Variants in SCUBE3 observed in about 807,000 individuals in gnomAD.
SCUBE3 encodes the protein signal peptide, CUB and EGF-like domain-containing protein 3.
SCUBE3 carries 33 observed loss-of-function variants against 116.8 expected under a neutral mutation model. That is an observed-to-expected ratio of 0.28 (90% CI 0.21 to 0.38). The LOEUF (loss-of-function observed/expected upper bound fraction) is 0.38, where lower values mean the gene tolerates loss of function less well. Among genes scored for constraint, SCUBE3 ranks in the 10% least tolerant of loss-of-function variants. The probability of loss-of-function intolerance (pLI) is 1.00; values close to 1 mark genes in which losing one functional copy is unlikely to be tolerated. For missense variants in SCUBE3, 1,007 were observed against 1,324.8 expected (o/e 0.76, Z 3.72); for synonymous variants, 418 against 496.9 (o/e 0.84, Z 2.11).
At chr6:35,238,342 C>T (rs536807097) in intron 7 of SCUBE3, among the ~76,000 whole-genome samples, 1 of 147,166 alleles carries the variant, frequency 6.8e-6, no homozygotes, top group African/African-American at 2.4e-5. Flanking sequence ...TATTTGAGCC[C>T]TGACTGTGTG....
chr6:35,244,879 G>T lies in SCUBE3; in HGVS notation c.2401+68G>T, dbSNP rs1784262910. 1.4e-5 allele frequency: 21 copies of T among 1,525,800 alleles called. No homozygotes were observed. The South Asian group carries it at 2.2e-4, about 16-fold the overall frequency. 94.5% of individuals were successfully genotyped at this position (1,525,800 alleles called of 1,614,324 possible). A position where few individuals can be genotyped will look rare whatever the true frequency, so the allele number is the denominator to read the frequency against. On this transcript the variant is annotated intron_variant, in intron 18 of 21. Transcript: ENST00000274938. This position sits in a 1 kb window ranked among gnomAD's most constrained non-coding sequence, Gnocchi z 4.3. ...TGGGAGCAGTGGACATCTAAAGGAG[G>T]GGTGTGAAACCAACAGGGAGCAGGG...
In SCUBE3 at chr6:35,244,553, T is replaced by C. The variant is rs28654422; in HGVS notation, c.2240-97T>C. Reference sequence around the variant, plus strand: ...GAAAAGAACTTTGATGTATCTGATCTCCTGATTCTCCAGGATGAATGTATC... The same window carrying C: ...GAAAAGAACTTTGATGTATCTGATCCCCTGATTCTCCAGGATGAATGTATC... On this transcript the variant is annotated intron_variant, in intron 17 of 21. Coordinates refer to ENST00000274938, the MANE Select transcript of SCUBE3 (RefSeq NM_152753.4). The surrounding 1 kb of genome is among the most constrained non-coding windows in gnomAD (Gnocchi z 4.3). The C allele has an allele frequency of 1.0e-6, 1 of 964,514 alleles. No individual in the cohort carries two copies. 59.7% of individuals were successfully genotyped at this position (964,514 alleles called of 1,614,324 possible).
At position 35,232,688 on chromosome 6, in the gene SCUBE3, G is replaced by A. The variant is rs1194867378; in HGVS notation, c.470-162G>A. ...CTGCTCATGAGCACCCAGGTCTGTG[G>A]GGAAGACAGGAGGCCTGGGACAAGG... On this transcript the variant is annotated intron_variant, in intron 4 of 21. Coordinates refer to ENST00000274938, the MANE Select transcript of SCUBE3 (RefSeq NM_152753.4). The surrounding 1 kb of genome is among the most constrained non-coding windows in gnomAD (Gnocchi z 4.2). Among the ~76,000 whole-genome samples, 3 of 152,198 alleles carry A rather than the reference G, an allele frequency of 2.0e-5. No individual in the cohort carries two copies. The highest frequency in any genetic ancestry group is 2.1e-4 in the South Asian group (1 of 4,826).
chr6:35,229,923 C>T (rs1414311767), intron 3 of SCUBE3, among the ~76,000 whole-genome samples: 1 of 152,202 alleles, frequency 6.6e-6, no homozygotes, highest in Non-Finnish European at 1.5e-5. Flanking sequence ...GAAAAGCAGG[C>T]TGGGCTGGTC....
intron 1 of SCUBE3, among the ~76,000 whole-genome samples, chr6:35,216,396 T>G (rs191901925): frequency 1.3e-5 from 2 of 152,342 alleles, no homozygotes; most frequent in Admixed American, 6.5e-5. Flanking sequence ...TTCCTGTGAC[T>G]GGACCGCAGT....
intron 13 of SCUBE3, 58 bp from the exon 14 acceptor site, chr6:35,242,555 TCTGTCTGGG>T: frequency 7.1e-7 from 1 of 1,409,804 alleles, no homozygotes; most frequent in Non-Finnish European, 9.9e-7. Context: ...TCTGGGGAGG[TCTGTCTGGG>T]CTGGGAGTGA....
chr6:35,241,083 C>G lies in SCUBE3; in HGVS notation c.1070-58C>G, dbSNP rs1029155279. On this transcript the variant is annotated intron_variant, in intron 9 of 21. Coordinates refer to ENST00000274938, the MANE Select transcript of SCUBE3 (RefSeq NM_152753.4). This position sits in a 1 kb window ranked among gnomAD's most constrained non-coding sequence, Gnocchi z 4.1. ...CAAAGGCCCTCACTCACTGCCTACT[C>G]TCCGGCTCCTCCTCCAACTCCATCG... 6.5e-6 allele frequency: 10 copies of G among 1,538,716 alleles called. No individual in the cohort carries two copies. The Admixed American group carries it at 1.5e-4, about 23-fold the overall frequency.
chr6:35,248,044 A>G (rs1007031411), intron 21 of SCUBE3, among the ~76,000 whole-genome samples: 11 of 152,264 alleles, frequency 7.2e-5, no homozygotes, highest in Non-Finnish European at 1.3e-4. Context: ...AAAGCAAGAT[A>G]CAGATCACAT....
intron 6 of SCUBE3, among the ~76,000 whole-genome samples, chr6:35,236,157 C>A (rs1052845866): frequency 1.3e-5 from 2 of 152,208 alleles, no homozygotes; most frequent in African/African-American, 4.8e-5. Flanking sequence ...GAGCATCTAC[C>A]TGGCAAGTGC....
Position 35,243,720 on chromosome 6 carries a change from G to C in SCUBE3, c.2036G>C (p.Gly679Ala), listed in dbSNP as rs1477044478. 1 of 1,614,136 alleles carries C rather than the reference G, an allele frequency of 6.2e-7. No individual in the cohort carries two copies. Among genetic ancestry groups the C allele is most frequent in the Non-Finnish European group, 8.5e-7 (1 of 1,179,996 alleles). The change falls in exon 16 of 22, where the codon GGG (glycine) becomes GCG (alanine). Residue 679 changes from glycine (G) to alanine (A), a missense_variant. By Grantham distance (60) the Gly-to-Ala change is moderately conservative (BLOSUM62 0). Coordinates refer to ENST00000274938, the MANE Select transcript of SCUBE3 (RefSeq NM_152753.4). The surrounding 1 kb of genome is among the most constrained non-coding windows in gnomAD (Gnocchi z 6.6). ...CTTTGCCCTGGGAGTGATGCCCACG[G>C]GCCTCTTGGAGCCACCAACGTCACC... The part of the protein sequence containing the change: ...CDLCPGSDAH[G>A]PLGATNVTTC...
At chr6:35,221,258 G>C (rs1183319324) in intron 1 of SCUBE3, 1 of 152,164 alleles carries the variant, frequency 6.6e-6, no homozygotes, top group African/African-American at 2.4e-5. Flanking sequence ...AAGACCCTGA[G>C]ACCCTATGAC....
In SCUBE3 at chr6:35,245,092, G is replaced by A; in HGVS notation, c.2402-136G>A. 1.2e-6 allele frequency: 1 copy of A among 834,488 alleles called. No individual in the cohort carries two copies. The highest frequency in any genetic ancestry group is 2.4e-5 in the East Asian group (1 of 41,078). 51.7% of individuals were successfully genotyped at this position (834,488 alleles called of 1,614,324 possible). The stretch of plus-strand genomic sequence containing the variant: ...GGAAGGAAGATGGACTCAGAGCTTG[G>A]AAAATAATGATGAACTAGAACGCAG... On this transcript the variant is annotated intron_variant, in intron 18 of 21. Transcript: ENST00000274938. The surrounding 1 kb of genome is among the most constrained non-coding windows in gnomAD (Gnocchi z 4.2).
chr6:35,234,252 G>A (rs1783667911), intron 6 of SCUBE3, among the ~76,000 whole-genome samples: 1 of 152,178 alleles, frequency 6.6e-6, no homozygotes, highest in Non-Finnish European at 1.5e-5. Context: ...GGGCATAGGT[G>A]TTTATGAATG....
Position 35,232,344 on chromosome 6 carries a change from T to TA in SCUBE3, c.469+486dup, listed in dbSNP as rs1783585159. On this transcript the variant is annotated intron_variant, in intron 4 of 21. Coordinates refer to ENST00000274938, the MANE Select transcript of SCUBE3 (RefSeq NM_152753.4). This position sits in a 1 kb window ranked among gnomAD's most constrained non-coding sequence, Gnocchi z 4.2. The stretch of plus-strand genomic sequence containing the variant: ...ATTGTTGTATCCCCAGCACCTAACA[T>TA]ACTGCCCTGCGTGTAGTGAGAGTTT... 6.6e-6 allele frequency among the ~76,000 whole-genome samples: 1 copy of TA among 152,230 alleles called. No individual in the cohort carries two copies. The highest frequency in any genetic ancestry group is 1.5e-5 in the Non-Finnish European group (1 of 68,048).
rs535456693 is a variant in SCUBE3, at chr6:35,248,823, A to C, written c.*118A>C. The C allele has an allele frequency of 3.9e-6, 3 of 778,568 alleles. No individual in the cohort carries two copies. The highest frequency in any genetic ancestry group is 6.3e-6 in the Non-Finnish European group (3 of 473,354). The allele number at this position is 778,568 out of a possible 1,614,324, so 48.2% of individuals were successfully genotyped here. ...CCTCTCTTTTTGGAGGGAAAAAAAA[A>C]ATATCACTACACAAACCAGGCACTC... is the stretch of plus-strand genomic sequence containing the variant. On this transcript the variant is annotated 3_prime_UTR_variant, in exon 22 of 22. Transcript: ENST00000274938.
At chr6:35,215,865 A>G (rs1462115127) in intron 1 of SCUBE3, among the ~76,000 whole-genome samples, 1 of 152,060 alleles carries the variant, frequency 6.6e-6, no homozygotes, top group Non-Finnish European at 1.5e-5. Flanking sequence ...CCTCTTTTCC[A>G]GTCCTGGTTC....
chr6:35,245,591 C>T lies in SCUBE3; in HGVS notation c.2599+166C>T, dbSNP rs1341172829. 6.6e-6 allele frequency among the ~76,000 whole-genome samples: 1 copy of T among 152,222 alleles called. No homozygotes were observed. The highest frequency in any genetic ancestry group is 2.4e-5 in the African/African-American group (1 of 41,444). On this transcript the variant is annotated intron_variant, in intron 19 of 21. Coordinates refer to ENST00000274938, the MANE Select transcript of SCUBE3 (RefSeq NM_152753.4). The surrounding 1 kb of genome is among the most constrained non-coding windows in gnomAD (Gnocchi z 4.2). Reference sequence around the variant, plus strand: ...GAAGAGAGAAGCTAACAAAGGAAAACAGCAATGACACATGTTTGGTAGAAA... The same window carrying T: ...GAAGAGAGAAGCTAACAAAGGAAAATAGCAATGACACATGTTTGGTAGAAA...
intron 1 of SCUBE3, chr6:35,218,232 A>G: frequency 7.3e-6 from 5 of 683,026 alleles, no homozygotes; most frequent in Non-Finnish European, 7.2e-6. Flanking sequence ...GCATTCACAC[A>G]CGTGTGAATG....
In SCUBE3 at chr6:35,239,680, G is replaced by C; in HGVS notation, c.830-72G>C. On this transcript the variant is annotated intron_variant, in intron 7 of 21. Transcript: ENST00000274938. The surrounding 1 kb of genome is among the most constrained non-coding windows in gnomAD (Gnocchi z 4.1). Reference sequence around the variant, plus strand: ...TTTTTGCATGTCTCTGTCAGTGAGGGAGGGATCTTTCTCCTTGTTTGTTCT... The same window carrying C: ...TTTTTGCATGTCTCTGTCAGTGAGGCAGGGATCTTTCTCCTTGTTTGTTCT... 1 of 1,455,484 alleles carries C rather than the reference G, an allele frequency of 6.9e-7. No individual in the cohort carries two copies. Among genetic ancestry groups the C allele is most frequent in the South Asian group, 1.2e-5 (1 of 83,034 alleles). 90.2% of individuals were successfully genotyped at this position (1,455,484 alleles called of 1,614,324 possible).
Sources: allele counts gnomAD v4.1 joint callset (sites outside exome capture counted in the v4.1 genomes callset), GRCh38; gene constraint gnomAD v4.1.1; non-coding constraint Gnocchi (gnomAD v3.1); transcripts MANE v1.5; gene names NCBI Gene and HGNC (gene_info 2026-07-23, HGNC 2026-07-21).